The following CHST9 variants were observed in gnomAD, a reference collection of about 807,000 sequenced individuals.
CHST9 encodes carbohydrate sulfotransferase 9.
Under a neutral mutation model 44.4 loss-of-function variants are expected in CHST9, and 41 were observed. The observed-to-expected ratio is 0.92, with a 90% CI of 0.72 to 1.20. The LOEUF is 1.20. Among genes scored for constraint, CHST9 ranks in the 50% most tolerant of loss-of-function variants. The pLI is 0.00. For synonymous variants in CHST9, 171 were observed against 178.4 expected (o/e 0.96, Z 0.33); for missense variants, 504 against 516.5 (o/e 0.98, Z 0.23).
intron 4 of CHST9, among the ~76,000 whole-genome samples, chr18:27,015,899 G>C (rs2057147954): frequency 6.6e-6 from 1 of 152,166 alleles, no homozygotes; most frequent in Non-Finnish European, 1.5e-5. Context: ...TCAAGACTTT[G>C]CTTCAGCCTA....
Position 26,913,675 on chromosome 18 carries a change from A to T in CHST9, c.*2584T>A, listed in dbSNP as rs955152366. On this transcript the variant is annotated 3_prime_UTR_variant, in exon 6 of 6. Transcript: ENST00000618847. ...GGGAACTTTGGACATCTGGAAGATG[A>T]GTCTGGATTTGGTCACTTGCCTTTA... 1 of 152,238 alleles carries T rather than the reference A, an allele frequency of 6.6e-6. No individual in the cohort carries two copies. The highest frequency in any genetic ancestry group is 1.5e-5 in the Non-Finnish European group (1 of 68,046). The allele number at this position is 152,238 out of a possible 1,614,324, so 9.4% of individuals were successfully genotyped here.
At chr18:26,966,769 A>G (rs750916753) in intron 4 of CHST9, among the ~76,000 whole-genome samples, 1 of 152,088 alleles carries the variant, frequency 6.6e-6, no homozygotes, top group Non-Finnish European at 1.5e-5. Context: ...CAAGTGAAGG[A>G]AAGTTGGTTA....
At chr18:27,127,684 T>C (rs1192660248) in intron 2 of CHST9, among the ~76,000 whole-genome samples, 1 of 152,148 alleles carries the variant, frequency 6.6e-6, no homozygotes, top group Non-Finnish European at 1.5e-5. Flanking sequence ...TGTGTATAAT[T>C]ACAGAAACGA....
rs1195277400 is a variant in CHST9 at position 27,096,219 on chromosome 18, A to G, written c.121+46470T>C. On this transcript the variant is annotated intron_variant, in intron 2 of 5. Coordinates refer to ENST00000618847, the MANE Select transcript of CHST9 (RefSeq NM_031422.6). ...ACAATGAAATCAAGGCAGAAATTTT[A>G]AAATTCCTTGAAATAAATGGAAACA... is the stretch of plus-strand genomic sequence containing the variant. Among the ~76,000 whole-genome samples, 5 of 152,122 alleles carry G rather than the reference A, an allele frequency of 3.3e-5. No homozygotes were observed. In the East Asian group the frequency reaches 9.6e-4, roughly 29 times the overall value.
chr18:27,066,219 G>A (rs1298207994), intron 2 of CHST9, among the ~76,000 whole-genome samples: 1 of 152,216 alleles, frequency 6.6e-6, no homozygotes, highest in Non-Finnish European at 1.5e-5. Context: ...ATTGCTAGGA[G>A]TTAACAAGGT....
intron 3 of CHST9, among the ~76,000 whole-genome samples, chr18:27,029,929 G>A (rs2057323380): frequency 1.3e-5 from 2 of 151,972 alleles, no homozygotes; most frequent in Admixed American, 6.6e-5. Flanking sequence ...CCTTCTTTAG[G>A]TAATACTATT....
chr18:26,961,340 C>T (rs548902114), intron 4 of CHST9, among the ~76,000 whole-genome samples: 26 of 152,122 alleles, frequency 1.7e-4, no homozygotes, highest in African/African-American at 6.0e-4. Flanking sequence ...GTAAAGAAGT[C>T]AGAGGAGATA....
At chr18:26,951,184 A>G (rs970757017) in intron 4 of CHST9, among the ~76,000 whole-genome samples, 1 of 152,182 alleles carries the variant, frequency 6.6e-6, no homozygotes, top group Non-Finnish European at 1.5e-5. Context: ...TTGTAGAAAC[A>G]GCCCTAACCC....
Position 26,916,857 on chromosome 18 carries a change from G to A in CHST9, c.734C>T (p.Ser245Phe). ...CTTCCCGTAGTGGACAGCATTGTGGGAGATGTTGTATGCAGAGGAAGCCAA... is the reference window on the plus strand; with the variant it reads ...CTTCCCGTAGTGGACAGCATTGTGGAAGATGTTGTATGCAGAGGAAGCCAA... ...NGLASSAYNI[S>F]HNAVHYGKHL... The change falls in exon 6 of 6, where the codon TCC becomes TTC. Residue 245 changes from serine (S) to phenylalanine (F), a missense_variant. Ser to Phe is a radical substitution (Grantham distance 155, BLOSUM62 -2). Transcript: ENST00000618847. 4 of 1,613,910 alleles carry A rather than the reference G, an allele frequency of 2.5e-6. No homozygotes were observed. The highest frequency in any genetic ancestry group is 3.4e-6 in the Non-Finnish European group (4 of 1,179,870).
In CHST9 at chr18:27,002,591, A is replaced by G. The variant is rs149641156; in HGVS notation, c.202+21525T>C. ...TGTGAAATAGGCTTTGTGTTAGATGATTTTGCCTAACTGTAGGCTAATGTA... is the reference window on the plus strand; with the variant it reads ...TGTGAAATAGGCTTTGTGTTAGATGGTTTTGCCTAACTGTAGGCTAATGTA... On this transcript the variant is annotated intron_variant, in intron 4 of 5. Coordinates refer to ENST00000618847, the MANE Select transcript of CHST9 (RefSeq NM_031422.6). Among the ~76,000 whole-genome samples the G allele has an allele frequency of 1.1e-4, 16 of 152,302 alleles. No homozygotes were observed. The East Asian group carries it at 3.1e-3, about 29-fold the overall frequency.
In CHST9 at chr18:26,992,179, C is replaced by T. The variant is rs191833494; in HGVS notation, c.202+31937G>A. 1.6e-5 allele frequency among the ~76,000 whole-genome samples: 2 copies of T among 127,332 alleles called. 1 individual carries two copies. Among genetic ancestry groups the T allele is most frequent in the East Asian group, 5.3e-4 (2 of 3,756 alleles). The allele number at this position is 127,332 out of a possible 152,430, so 83.5% of individuals were successfully genotyped here. On this transcript the variant is annotated intron_variant, in intron 4 of 5. Coordinates refer to ENST00000618847, the MANE Select transcript of CHST9 (RefSeq NM_031422.6). ...TCCCAGAATCCACAAAGATGGGGCA[C>T]AGGAACAAGAAGCTCTACTACCAGA...
intron 4 of CHST9, among the ~76,000 whole-genome samples, chr18:26,972,726 G>A (rs1485693769): frequency 2.0e-5 from 3 of 152,230 alleles, no homozygotes; most frequent in Non-Finnish European, 4.4e-5. Flanking sequence ...GATGGAGGCA[G>A]GGGGCGGCGG....
chr18:27,104,126 G>A (rs1051663209), intron 2 of CHST9, among the ~76,000 whole-genome samples: 1 of 151,852 alleles, frequency 6.6e-6, no homozygotes, highest in Non-Finnish European at 1.5e-5. Context: ...ACCACACATC[G>A]AGCACCTACT....
At chr18:27,086,994 G>C (rs2058019362) in intron 2 of CHST9, among the ~76,000 whole-genome samples, 1 of 152,112 alleles carries the variant, frequency 6.6e-6, no homozygotes, top group Admixed American at 6.5e-5. Context: ...CATGATTTAT[G>C]CACAGCAGAA....
At chr18:27,073,195 G>A (rs1466564312) in intron 2 of CHST9, among the ~76,000 whole-genome samples, 1 of 152,166 alleles carries the variant, frequency 6.6e-6, no homozygotes, top group Non-Finnish European at 1.5e-5. Flanking sequence ...ACTATGACGT[G>A]CAAGGCCACA....
intron 2 of CHST9, among the ~76,000 whole-genome samples, chr18:27,060,774 A>AC (rs2057712358): frequency 1.3e-5 from 2 of 152,132 alleles, no homozygotes; most frequent in Admixed American, 6.5e-5. Context: ...TGGTCATTTG[A>AC]CATTTCTGGC....
At chr18:27,075,840 T>C (rs1245520056) in intron 2 of CHST9, among the ~76,000 whole-genome samples, 10 of 152,234 alleles carry the variant, frequency 6.6e-5, no homozygotes, top group Non-Finnish European at 1.2e-4. Context: ...GATATTTTAA[T>C]GGCACCTAAA....
intron 4 of CHST9, among the ~76,000 whole-genome samples, chr18:26,967,805 T>A (rs2056486403): frequency 6.6e-6 from 1 of 152,134 alleles, no homozygotes; most frequent in Admixed American, 6.5e-5. Context: ...CCACCCTCAA[T>A]CTGGGTGGAC....
intron 2 of CHST9, among the ~76,000 whole-genome samples, chr18:27,103,189 T>C (rs549771104): frequency 2.6e-5 from 4 of 152,302 alleles, no homozygotes; most frequent in East Asian, 1.9e-4. Flanking sequence ...AACTGAGGCA[T>C]AGAACGGGTA....
Sources: gnomAD v4.1 joint callset for allele counts (sites outside exome capture counted in the v4.1 genomes callset) on GRCh38, gnomAD v4.1.1 for gene constraint, MANE v1.5 for transcripts, NCBI Gene and HGNC (gene_info 2026-07-23, HGNC 2026-07-21) for gene names.